The following ERBB4 variants were observed in gnomAD, a reference collection of about 807,000 sequenced individuals.
ERBB4 encodes the protein receptor tyrosine-protein kinase erbB-4.
A neutral mutation model predicts 158.0 loss-of-function variants in ERBB4; 42 were observed. That is an observed-to-expected ratio of 0.27 (90% CI 0.21 to 0.34). ERBB4 has a LOEUF of 0.34. ERBB4 is among the 10% of genes least tolerant of loss of function. The pLI is 1.00. For synonymous variants in ERBB4, 583 were observed against 558.7 expected (o/e 1.04, Z -0.61); for missense variants, 1,333 against 1,624.1 (o/e 0.82, Z 3.08).
intron 12 of ERBB4, among the ~76,000 whole-genome samples, chr2:211,694,815 T>C (rs2072954859): frequency 6.6e-6 from 1 of 152,162 alleles, no homozygotes; most frequent in Admixed American, 6.5e-5. Flanking sequence ...GCATTTTGTT[T>C]GTAAAAGCAC....
intron 3 of ERBB4, among the ~76,000 whole-genome samples, chr2:211,893,962 G>A (rs1345224368): frequency 9.4e-5 from 13 of 137,910 alleles, no homozygotes; most frequent in African/African-American, 3.4e-4. Flanking sequence ...CACTGTTGGT[G>A]GGACTGTAAA....
chr2:212,322,348 C>G (rs1269404217), intron 1 of ERBB4, among the ~76,000 whole-genome samples: 2 of 150,214 alleles, frequency 1.3e-5, no homozygotes, highest in East Asian at 3.9e-4. Flanking sequence ...CCTATGACAA[C>G]AGGAAAGGTG....
At chr2:212,041,221 G>A (rs549608839) in intron 2 of ERBB4, among the ~76,000 whole-genome samples, 2 of 152,136 alleles carry the variant, frequency 1.3e-5, no homozygotes, top group African/African-American at 4.8e-5. Context: ...TTAGAAAAAC[G>A]GTAAACGGGT....
chr2:211,882,430 C>T (rs1327992392), intron 3 of ERBB4, among the ~76,000 whole-genome samples: 1 of 151,286 alleles, frequency 6.6e-6, no homozygotes, highest in Non-Finnish European at 1.5e-5. Flanking sequence ...TTTAAAAGTC[C>T]CCTCATATAT....
intron 2 of ERBB4, among the ~76,000 whole-genome samples, chr2:212,101,579 G>A: frequency 6.6e-6 from 1 of 151,698 alleles, no homozygotes; most frequent in East Asian, 1.9e-4. Context: ...GCTCAGAGCA[G>A]TAAGAATTAA....
At chr2:212,066,979 T>C (rs1025158917) in intron 2 of ERBB4, among the ~76,000 whole-genome samples, 5 of 151,990 alleles carry the variant, frequency 3.3e-5, no homozygotes, top group Admixed American at 2.0e-4. Context: ...AATGAACTGA[T>C]AAGAAAGAAT....
intron 20 of ERBB4, among the ~76,000 whole-genome samples, chr2:211,457,106 G>A (rs2125492948): frequency 6.6e-6 from 1 of 152,174 alleles, no homozygotes; most frequent in Non-Finnish European, 1.5e-5. Flanking sequence ...TGAGACTTAA[G>A]AGTTTAAGAT....
intron 1 of ERBB4, among the ~76,000 whole-genome samples, chr2:212,255,655 C>A (rs925364015): frequency 6.6e-6 from 1 of 152,026 alleles, no homozygotes; most frequent in Non-Finnish European, 1.5e-5. Flanking sequence ...TAGAGCATCC[C>A]TAAGCTGAAG....
intron 22 of ERBB4, among the ~76,000 whole-genome samples, chr2:211,426,936 A>G (rs1271325375): frequency 6.6e-6 from 1 of 151,998 alleles, no homozygotes; most frequent in Non-Finnish European, 1.5e-5. Context: ...AATACATGCA[A>G]TAGATGTTTT....
chr2:211,432,741 A>C (rs1476849486), intron 20 of ERBB4, among the ~76,000 whole-genome samples: 1 of 152,180 alleles, frequency 6.6e-6, no homozygotes, highest in Non-Finnish European at 1.5e-5. Context: ...ATATCAGAAC[A>C]CGGAATATAT....
chr2:212,491,196 C>T (rs1422906080), intron 1 of ERBB4, among the ~76,000 whole-genome samples: 1 of 151,522 alleles, frequency 6.6e-6, no homozygotes, highest in East Asian at 1.9e-4. Flanking sequence ...TTGTGAGGTT[C>T]GCAAATCAGT....
At chr2:211,400,513 T>C (rs1419178824) in intron 25 of ERBB4, among the ~76,000 whole-genome samples, 1 of 152,036 alleles carries the variant, frequency 6.6e-6, no homozygotes, top group Non-Finnish European at 1.5e-5. Context: ...TGAAGTAAAA[T>C]AAGCCAGGCA....
intron 1 of ERBB4, among the ~76,000 whole-genome samples, chr2:212,474,278 ATTGT>A (rs1424775695): frequency 6.6e-6 from 1 of 152,010 alleles, no homozygotes; most frequent in East Asian, 1.9e-4. Context: ...CCAGTAAATG[ATTGT>A]TTAATTGAAA....
chr2:212,157,056 T>C (rs2081056147), intron 1 of ERBB4, among the ~76,000 whole-genome samples: 1 of 152,064 alleles, frequency 6.6e-6, no homozygotes, highest in Non-Finnish European at 1.5e-5. Context: ...TGCAAAAACA[T>C]GTCTATGGAA....
chr2:212,474,821 TC>T (rs1450908004), intron 1 of ERBB4, among the ~76,000 whole-genome samples: 1 of 123,902 alleles, frequency 8.1e-6, no homozygotes, highest in Non-Finnish European at 1.6e-5. Flanking sequence ...ACCCGGCCAT[TC>T]TTTTTTTTTT....
At chr2:211,983,952 T>C (rs1349198789) in intron 2 of ERBB4, among the ~76,000 whole-genome samples, 2 of 152,224 alleles carry the variant, frequency 1.3e-5, no homozygotes, top group Non-Finnish European at 2.9e-5. Context: ...GTAAATGTCA[T>C]GGTTCATTCA....
At chr2:211,678,549 A>G (rs1158785234) in intron 13 of ERBB4, among the ~76,000 whole-genome samples, 1 of 152,174 alleles carries the variant, frequency 6.6e-6, no homozygotes, top group Non-Finnish European at 1.5e-5. Context: ...ATGTATTTGA[A>G]CTCATAATTT....
intron 12 of ERBB4, among the ~76,000 whole-genome samples, chr2:211,680,048 A>T (rs1359226868): frequency 6.6e-6 from 1 of 152,218 alleles, no homozygotes; most frequent in Admixed American, 6.5e-5. Context: ...TCAAGTCATC[A>T]CATGTAAGGA....
intron 15 of ERBB4, among the ~76,000 whole-genome samples, chr2:211,661,596 A>C (rs183797719): frequency 6.6e-6 from 1 of 152,296 alleles, no homozygotes; most frequent in East Asian, 1.9e-4. Flanking sequence ...AAAATCTTTA[A>C]ATTTTGAAAT....
Sources: allele counts gnomAD v4.1 joint callset (sites outside exome capture counted in the v4.1 genomes callset), GRCh38; gene constraint gnomAD v4.1.1; transcripts MANE v1.5; gene names NCBI Gene and HGNC (gene_info 2026-07-23, HGNC 2026-07-21).